GPM6A: variants seen among roughly 807,000 people sequenced by gnomAD.
GPM6A encodes neuronal membrane glycoprotein M6-a.
GPM6A carries 7 observed loss-of-function variants against 32.1 expected under a neutral mutation model. That is an observed-to-expected ratio of 0.22 (90% CI 0.12 to 0.41). The LOEUF (loss-of-function observed/expected upper bound fraction) is 0.41. GPM6A is among the 10% of genes least tolerant of loss of function. The pLI is 1.00. For missense variants in GPM6A, 235 were observed against 347.2 expected (o/e 0.68, Z 2.57); for synonymous variants, 130 against 123.4 (o/e 1.05, Z -0.35).
chr4:175,934,050 A>T (rs1217916059), intron 1 of GPM6A, among the ~76,000 whole-genome samples: 1 of 152,248 alleles, frequency 6.6e-6, no homozygotes, highest in East Asian at 1.9e-4. Flanking sequence ...ACATCCATTT[A>T]TATTAAATTC....
At chr4:175,767,577 T>A (rs991538215) in intron 1 of GPM6A, among the ~76,000 whole-genome samples, 1 of 152,232 alleles carries the variant, frequency 6.6e-6, no homozygotes, top group African/African-American at 2.4e-5. Flanking sequence ...CACATTTCAC[T>A]TTTTTTAGGA....
At chr4:175,747,607 G>A (rs1452328021) in intron 1 of GPM6A, among the ~76,000 whole-genome samples, 1 of 152,114 alleles carries the variant, frequency 6.6e-6, no homozygotes, top group Non-Finnish European at 1.5e-5. Flanking sequence ...AAAAAACAAT[G>A]TATATACTTT....
chr4:175,786,263 C>CT (rs1490219088), intron 1 of GPM6A, among the ~76,000 whole-genome samples: 19 of 149,938 alleles, frequency 1.3e-4, no homozygotes, highest in Non-Finnish European at 2.5e-4. Flanking sequence ...ATAACACCAT[C>CT]TTTTTTGAAG....
chr4:175,883,896 AC>A (rs1275241690), intron 1 of GPM6A, among the ~76,000 whole-genome samples: 1 of 152,218 alleles, frequency 6.6e-6, no homozygotes, highest in East Asian at 1.9e-4. Flanking sequence ...AGTTTTTACA[AC>A]CAATTTGCAT....
intron 1 of GPM6A, among the ~76,000 whole-genome samples, chr4:175,931,679 C>CACAA (rs1560999522): frequency 1.0e-4 from 14 of 134,612 alleles, no homozygotes; most frequent in South Asian, 5.7e-4. Flanking sequence ...TATACACACA[C>CACAA]ACACACACAC....
intron 1 of GPM6A, among the ~76,000 whole-genome samples, chr4:175,991,604 T>C (rs1048204311): frequency 6.6e-6 from 1 of 152,190 alleles, no homozygotes. Flanking sequence ...TAATAAAAAC[T>C]ATCTACTAAA....
At chr4:175,992,381 G>T (rs1463832340) in intron 1 of GPM6A, among the ~76,000 whole-genome samples, 1 of 152,086 alleles carries the variant, frequency 6.6e-6, no homozygotes, top group Admixed American at 6.6e-5. Flanking sequence ...TGAAGCCTTA[G>T]GTGTCTTCTC....
In GPM6A at chr4:175,672,282, A is replaced by G. The variant is rs575555497; in HGVS notation, c.387+1398T>C. 2.6e-5 allele frequency among the ~76,000 whole-genome samples: 4 copies of G among 152,344 alleles called. No homozygotes were observed. The East Asian group carries it at 7.7e-4, about 29-fold the overall frequency. On this transcript the variant is annotated intron_variant, in intron 3 of 6. Coordinates refer to ENST00000393658, the MANE Select transcript of GPM6A (RefSeq NM_201591.3). ...TTTTTCGTTAGGGTTTTAGAATCAC[A>G]GACTCGTTGAGCTGGAATAAGCTTT... is the stretch of plus-strand genomic sequence containing the variant.
intron 1 of GPM6A, chr4:175,787,004 C>A (rs891481481): frequency 1.3e-5 from 3 of 238,182 alleles, no homozygotes; most frequent in Non-Finnish European, 1.6e-5. Context: ...ATTCCCTCCC[C>A]CAATTGACCT....
intron 3 of GPM6A, among the ~76,000 whole-genome samples, chr4:175,656,669 T>C (rs1400279810): frequency 1.3e-5 from 2 of 152,236 alleles, no homozygotes; most frequent in South Asian, 2.1e-4. Context: ...GAAAATAACT[T>C]GTAAAATGTA....
At chr4:175,668,535 G>GTGTGTGTGTGTGTGTGTT (rs1742877091) in intron 3 of GPM6A, among the ~76,000 whole-genome samples, 1 of 151,502 alleles carries the variant, frequency 6.6e-6, no homozygotes, top group Non-Finnish European at 1.5e-5. Context: ...GTGTGTGTGT[G>GTGTGTGTGTGTGTGTGTT]TGTGTGTTTA....
At chr4:175,786,192 T>G (rs182541593) in intron 1 of GPM6A, among the ~76,000 whole-genome samples, 192 of 152,178 alleles carry the variant, frequency 1.3e-3, no homozygotes, top group African/African-American at 4.5e-3. Context: ...GAGAAATTAC[T>G]GGGACACTAC....
intron 1 of GPM6A, among the ~76,000 whole-genome samples, chr4:175,737,824 T>G (rs765469586): frequency 1.3e-5 from 2 of 152,046 alleles, no homozygotes. Context: ...AACAACCAAC[T>G]CTTGTATGAA....
intron 1 of GPM6A, among the ~76,000 whole-genome samples, chr4:175,964,202 A>G (rs969537418): frequency 6.6e-6 from 1 of 152,014 alleles, no homozygotes; most frequent in African/African-American, 2.4e-5. Flanking sequence ...ATCAATAATC[A>G]CTTTAAATGC....
At chr4:175,975,685 T>G (rs879611388) in intron 1 of GPM6A, among the ~76,000 whole-genome samples, 8 of 152,220 alleles carry the variant, frequency 5.3e-5, no homozygotes, top group Non-Finnish European at 1.2e-4. Context: ...CTTATTGCAC[T>G]GATTTAGTAT....
chr4:175,656,915 A>G (rs185048554), intron 3 of GPM6A, among the ~76,000 whole-genome samples: 3 of 152,324 alleles, frequency 2.0e-5, no homozygotes, highest in East Asian at 1.9e-4. Context: ...ATGGAATGTT[A>G]TGATATAATG....
intron 1 of GPM6A, among the ~76,000 whole-genome samples, chr4:175,751,443 TATG>T (rs1326501273): frequency 6.6e-6 from 1 of 152,200 alleles, no homozygotes; most frequent in African/African-American, 2.4e-5. Context: ...TCACTAATCT[TATG>T]ATAATTTAAC....
At chr4:175,656,648 G>A (rs897481298) in intron 3 of GPM6A, among the ~76,000 whole-genome samples, 14 of 152,134 alleles carry the variant, frequency 9.2e-5, no homozygotes, top group Admixed American at 9.2e-4. Context: ...AGATTGCAGT[G>A]TATTTAACTT....
chr4:175,953,602 T>C (rs1420169702), intron 1 of GPM6A, among the ~76,000 whole-genome samples: 1 of 152,190 alleles, frequency 6.6e-6, no homozygotes, highest in Admixed American at 6.5e-5. Context: ...TTATAATGTA[T>C]ATAAAAACTA....
Sources: allele counts gnomAD v4.1 joint callset (sites outside exome capture counted in the v4.1 genomes callset), GRCh38; gene constraint gnomAD v4.1.1; transcripts MANE v1.5; gene names NCBI Gene and HGNC (gene_info 2026-07-23, HGNC 2026-07-21).